PAG1: variants seen among roughly 807,000 people sequenced by gnomAD.
PAG1 encodes the protein phosphoprotein associated with glycosphingolipid-enriched microdomains 1.
A neutral mutation model predicts 31.7 loss-of-function variants in PAG1; 23 were observed. The observed-to-expected ratio is 0.73, with a 90% CI of 0.52 to 1.03. The LOEUF (loss-of-function observed/expected upper bound fraction) is 1.03, where lower values mean the gene tolerates loss of function less well. Among genes scored for constraint, PAG1 ranks in the 50% least tolerant of loss-of-function variants. PAG1 has a pLI of 0.00. For synonymous variants in PAG1, 214 were observed against 210.3 expected, an observed-to-expected ratio of 1.02 and a Z score of -0.15; for missense variants, 473 against 540.7, an observed-to-expected ratio of 0.87 and a Z score of 1.24.
chr8:81,041,000 G>A (rs1808545054), intron 2 of PAG1, among the ~76,000 whole-genome samples: 2 of 152,318 alleles, frequency 1.3e-5, no homozygotes, highest in South Asian at 2.1e-4. Flanking sequence ...AAATGCTCGC[G>A]AGGGTAACAT....
At chr8:81,028,565 T>C (rs963585859) in intron 3 of PAG1, among the ~76,000 whole-genome samples, 5 of 152,252 alleles carry the variant, frequency 3.3e-5, no homozygotes, top group African/African-American at 1.2e-4. Context: ...TAAAGACTTT[T>C]TTCATGTAAC....
intron 1 of PAG1, among the ~76,000 whole-genome samples, chr8:81,090,680 A>G (rs1174421184): frequency 2.6e-5 from 4 of 152,166 alleles, no homozygotes; most frequent in African/African-American, 7.2e-5. Context: ...AGAATAGGAC[A>G]CCTGAAGAGG....
Position 81,021,054 on chromosome 8 carries a change from C to G in PAG1, c.-81+8942G>C, listed in dbSNP as rs191048308. Reference sequence around the variant, plus strand: ...CATCTGAGCCTGCATCCTCTTGCCCCGCTAGGGGCATCTGGAAGATAACAG... The same window carrying G: ...CATCTGAGCCTGCATCCTCTTGCCCGGCTAGGGGCATCTGGAAGATAACAG... On this transcript the variant is annotated intron_variant, in intron 3 of 8. Coordinates refer to ENST00000220597, the MANE Select transcript of PAG1 (RefSeq NM_018440.4). 7.3e-4 allele frequency among the ~76,000 whole-genome samples: 111 copies of G among 152,348 alleles called. 2 individuals are homozygous for G. Among genetic ancestry groups the G allele is most frequent in the African/African-American group, 2.6e-3 (107 of 41,584 alleles).
intron 5 of PAG1, among the ~76,000 whole-genome samples, chr8:80,989,194 C>T (rs1807487484): frequency 6.6e-6 from 1 of 152,190 alleles, no homozygotes; most frequent in South Asian, 2.1e-4. Flanking sequence ...TCCAATGCAG[C>T]TCATTCACGT....
At chr8:80,999,474 G>C (rs1807745643) in intron 3 of PAG1, among the ~76,000 whole-genome samples, 1 of 152,212 alleles carries the variant, frequency 6.6e-6, no homozygotes. Context: ...TTAAGAATGA[G>C]TGTAGATGAA....
At chr8:81,037,384 T>C (rs768820796) in intron 2 of PAG1, 53 of 152,224 alleles carry the variant, frequency 3.5e-4, no homozygotes, top group Non-Finnish European at 1.3e-4. Context: ...TGCCATAATT[T>C]AGTATAAGCC....
chr8:81,040,584 T>C (rs925605582), intron 2 of PAG1, among the ~76,000 whole-genome samples: 1 of 152,228 alleles, frequency 6.6e-6, no homozygotes, highest in Non-Finnish European at 1.5e-5. Context: ...TACATATGTA[T>C]AAGAAGAGAT....
intron 1 of PAG1, among the ~76,000 whole-genome samples, chr8:81,078,303 T>C (rs1320514074): frequency 6.6e-6 from 1 of 152,216 alleles, no homozygotes; most frequent in East Asian, 1.9e-4. Context: ...TCAATTTCAT[T>C]GTAATTTGAA....
intron 1 of PAG1, among the ~76,000 whole-genome samples, chr8:81,090,217 C>T (rs183784360): frequency 6.6e-6 from 1 of 152,350 alleles, no homozygotes; most frequent in African/African-American, 2.4e-5. Context: ...CAATCGATAG[C>T]ATTCTACAAA....
chr8:81,022,330 A>G (rs528443184), intron 3 of PAG1, among the ~76,000 whole-genome samples: 11 of 152,206 alleles, frequency 7.2e-5, no homozygotes, highest in Non-Finnish European at 1.5e-4. Flanking sequence ...CTTAGATCAT[A>G]TTTACTGAAA....
Position 80,984,797 on chromosome 8 carries a change from G to A in PAG1, c.855C>T (p.Asp285=), listed in dbSNP as rs1276169844. 1 of 1,613,906 alleles carries A rather than the reference G, an allele frequency of 6.2e-7. No homozygotes were observed. The highest frequency in any genetic ancestry group is 1.7e-5 in the Admixed American group (1 of 60,016). The change falls in exon 7 of 9, where the codon GAC becomes GAT. Residue 285 remains aspartate, a synonymous_variant. Transcript: ENST00000220597. The stretch of plus-strand genomic sequence containing the variant: ...CCACCTTGTTAGTTTCACTGGTCGT[G>A]TCTGTGGCACTCTCTTCCGCCTCTC... ...EGGEAEESAT[D]TTSETNKRFS... is the part of the protein sequence containing the mutation.
chr8:81,030,014 C>G lies in PAG1; in HGVS notation c.-99G>C, dbSNP rs1808352925. On this transcript the variant is annotated 5_prime_UTR_variant, in exon 3 of 9. Transcript: ENST00000220597. ...TATTTACCTTGGAGGAAATGTTTGT[C>G]CAGTAGAGTATTCCAAGTTCTGGCA... 1 of 152,186 alleles carries G rather than the reference C, an allele frequency of 6.6e-6. No individual in the cohort carries two copies. The highest frequency in any genetic ancestry group is 1.5e-5 in the Non-Finnish European group (1 of 68,036). 9.4% of individuals were successfully genotyped at this position (152,186 alleles called of 1,614,324 possible).
intron 2 of PAG1, among the ~76,000 whole-genome samples, chr8:81,034,806 C>T (rs1050808192): frequency 1.3e-5 from 2 of 152,182 alleles, no homozygotes; most frequent in Non-Finnish European, 2.9e-5. Context: ...TTGAGCTTTC[C>T]TTCTCTATTC....
chr8:81,106,056 A>G (rs1168025043), intron 1 of PAG1, among the ~76,000 whole-genome samples: 1 of 152,086 alleles, frequency 6.6e-6, no homozygotes, highest in Non-Finnish European at 1.5e-5. Context: ...TTATTTATTT[A>G]TTCTGAGACA....
intron 1 of PAG1, among the ~76,000 whole-genome samples, chr8:81,093,624 C>T (rs1208033615): frequency 6.6e-6 from 1 of 151,874 alleles, no homozygotes; most frequent in African/African-American, 2.4e-5. Flanking sequence ...GCCATACCCC[C>T]AGATGTGGCC....
At chr8:81,104,966 G>A (rs796742496) in intron 1 of PAG1, among the ~76,000 whole-genome samples, 59 of 152,042 alleles carry the variant, frequency 3.9e-4, no homozygotes, top group African/African-American at 1.3e-3. Flanking sequence ...CACCCTCAAT[G>A]TGCACCAGCC....
intron 3 of PAG1, among the ~76,000 whole-genome samples, chr8:81,009,514 A>C (rs1481417643): frequency 6.6e-6 from 1 of 152,230 alleles, no homozygotes; most frequent in African/African-American, 2.4e-5. Context: ...AGATGATAAG[A>C]TATGAGATAT....
chr8:81,082,673 A>G (rs532942545), intron 1 of PAG1, among the ~76,000 whole-genome samples: 5 of 152,216 alleles, frequency 3.3e-5, no homozygotes, highest in African/African-American at 9.6e-5. Flanking sequence ...TGTCCCCTGC[A>G]TTCTGTTGTC....
intron 1 of PAG1, among the ~76,000 whole-genome samples, chr8:81,074,685 C>T (rs939198479): frequency 1.3e-5 from 2 of 152,164 alleles, no homozygotes; most frequent in Non-Finnish European, 2.9e-5. Context: ...ACTCTGCATT[C>T]TAATAAGACC....
Sources: allele counts gnomAD v4.1 joint callset (sites outside exome capture counted in the v4.1 genomes callset), GRCh38; gene constraint gnomAD v4.1.1; transcripts MANE v1.5; gene names NCBI Gene and HGNC (gene_info 2026-07-23, HGNC 2026-07-21).